CFAP299: variants seen among roughly 807,000 people sequenced by gnomAD.
CFAP299 encodes cilia and flagella associated protein 299.
CFAP299 carries 21 observed loss-of-function variants against 27.0 expected under a neutral mutation model. That is an observed-to-expected ratio of 0.78 (90% CI 0.55 to 1.12). The LOEUF is 1.12. CFAP299 is among the 50% of genes most tolerant of loss of function. CFAP299 has a pLI of 0.00. For synonymous variants in CFAP299, 104 were observed against 98.1 expected (o/e 1.06, Z -0.36); for missense variants, 310 against 276.6 (o/e 1.12, Z -0.86).
At chr4:80,891,959 A>G (rs1734328885) in intron 4 of CFAP299, among the ~76,000 whole-genome samples, 3 of 151,948 alleles carry the variant, frequency 2.0e-5, no homozygotes, top group Non-Finnish European at 4.4e-5. Context: ...AATCAATGCA[A>G]TCCTTTTCAA....
Position 80,710,275 on chromosome 4 carries a change from A to G in CFAP299, c.333+127092A>G, listed in dbSNP as rs151236418. 4.3e-3 allele frequency among the ~76,000 whole-genome samples: 650 copies of G among 152,246 alleles called. 5 individuals are homozygous for G. The highest frequency in any genetic ancestry group is 6.8e-3 in the Middle Eastern group (2 of 294). On this transcript the variant is annotated intron_variant, in intron 3 of 5. Coordinates refer to ENST00000358105, the MANE Select transcript of CFAP299 (RefSeq NM_152770.3). The stretch of plus-strand genomic sequence containing the variant: ...AATAGGATCAACTTGGTCCAAGGAA[A>G]GCAACATGCAGAAACCAGAAAAGGA...
In CFAP299 at chr4:80,797,691, A is replaced by C. The variant is rs1727948793; in HGVS notation, c.334-72302A>C. 2.0e-5 allele frequency among the ~76,000 whole-genome samples: 3 copies of C among 152,158 alleles called. No homozygotes were observed. The South Asian group carries it at 6.2e-4, about 31-fold the overall frequency. On this transcript the variant is annotated intron_variant, in intron 3 of 5. Transcript: ENST00000358105. ...GAGAAGAGCAATTACAGGGCTCTTC[A>C]AAGATGCAGGTTCTGCCCTCACAAA...
At chr4:80,390,602 T>C (rs1002704616) in intron 2 of CFAP299, among the ~76,000 whole-genome samples, 1 of 134,690 alleles carries the variant, frequency 7.4e-6, no homozygotes, top group African/African-American at 3.0e-5. Flanking sequence ...TGTATATATG[T>C]ATACACACAT....
intron 2 of CFAP299, among the ~76,000 whole-genome samples, chr4:80,460,259 G>A (rs759234456): frequency 6.6e-6 from 1 of 152,102 alleles, no homozygotes; most frequent in East Asian, 1.9e-4. Flanking sequence ...GGGGTAGGAG[G>A]GGTAGGGGGA....
chr4:80,353,193 A>G (rs533569955), intron 1 of CFAP299, among the ~76,000 whole-genome samples: 1 of 152,326 alleles, frequency 6.6e-6, no homozygotes, highest in South Asian at 2.1e-4. Context: ...CATCTCTTCC[A>G]AAGTCATACT....
chr4:80,535,458 G>GCACTC (rs1217947932), intron 2 of CFAP299, among the ~76,000 whole-genome samples: 1 of 58,562 alleles, frequency 1.7e-5, no homozygotes, highest in African/African-American at 1.7e-4. Flanking sequence ...TCCCGCCACT[G>GCACTC]CACTCCAGCC....
intron 2 of CFAP299, among the ~76,000 whole-genome samples, chr4:80,414,992 G>A (rs1038450836): frequency 4.6e-5 from 7 of 152,086 alleles, no homozygotes; most frequent in African/African-American, 9.7e-5. Context: ...ACATAGAGGC[G>A]CTGAAGCAAT....
chr4:80,872,670 A>G (rs1733162782), intron 4 of CFAP299: 1 of 153,444 alleles, frequency 6.5e-6, no homozygotes, highest in South Asian at 2.1e-4. Flanking sequence ...CACTGTAGTG[A>G]GTTATAAATG....
chr4:80,535,111 C>A (rs1318948666), intron 2 of CFAP299, among the ~76,000 whole-genome samples: 4 of 151,950 alleles, frequency 2.6e-5, no homozygotes, highest in African/African-American at 7.3e-5. Flanking sequence ...GAAGAATCAT[C>A]TTCAATCTGG....
chr4:80,760,652 G>A (rs1405289038), intron 3 of CFAP299, among the ~76,000 whole-genome samples: 2 of 152,162 alleles, frequency 1.3e-5, no homozygotes, highest in African/African-American at 2.4e-5. Flanking sequence ...CTTGCAGGCT[G>A]TTTGCTAGTT....
intron 5 of CFAP299, among the ~76,000 whole-genome samples, chr4:80,955,111 T>A (rs1738003232): frequency 6.9e-6 from 1 of 144,970 alleles, no homozygotes; most frequent in Admixed American, 6.9e-5. Context: ...CCTTAATAAA[T>A]CCCACTTGAG....
intron 3 of CFAP299, among the ~76,000 whole-genome samples, chr4:80,660,445 G>A (rs1740785752): frequency 6.6e-6 from 1 of 152,126 alleles, no homozygotes; most frequent in Admixed American, 6.6e-5. Flanking sequence ...ATGACATTAA[G>A]GAAAGTATTT....
intron 2 of CFAP299, among the ~76,000 whole-genome samples, chr4:80,441,858 G>A (rs1449859008): frequency 6.6e-6 from 1 of 152,108 alleles, no homozygotes; most frequent in Non-Finnish European, 1.5e-5. Flanking sequence ...AGGGATGGAG[G>A]AATATTTACC....
intron 3 of CFAP299, among the ~76,000 whole-genome samples, chr4:80,657,344 G>T (rs911041190): frequency 2.6e-5 from 4 of 151,948 alleles, no homozygotes; most frequent in Non-Finnish European, 4.4e-5. Context: ...TTTCTTCTAG[G>T]GTTTTTATGG....
intron 3 of CFAP299, among the ~76,000 whole-genome samples, chr4:80,818,334 G>A (rs1289118096): frequency 6.6e-6 from 1 of 151,984 alleles, no homozygotes; most frequent in Non-Finnish European, 1.5e-5. Context: ...ATTTTGTTTT[G>A]TTTGGTTCCA....
chr4:80,748,327 A>G (rs1242391131), intron 3 of CFAP299, among the ~76,000 whole-genome samples: 2 of 152,130 alleles, frequency 1.3e-5, no homozygotes, highest in African/African-American at 4.8e-5. Context: ...TTGAGAATGG[A>G]AATATTAACT....
At chr4:80,862,964 A>T (rs1284965807) in intron 3 of CFAP299, among the ~76,000 whole-genome samples, 1 of 152,166 alleles carries the variant, frequency 6.6e-6, no homozygotes, top group African/African-American at 2.4e-5. Flanking sequence ...CTTAGGCTAC[A>T]TTTGCAAAAT....
chr4:80,625,224 A>G (rs1167848096), intron 3 of CFAP299, among the ~76,000 whole-genome samples: 1 of 152,056 alleles, frequency 6.6e-6, no homozygotes, highest in South Asian at 2.1e-4. Flanking sequence ...TTGTGGCATA[A>G]AAAATTCAAA....
At chr4:80,446,310 C>G (rs1287668680) in intron 2 of CFAP299, among the ~76,000 whole-genome samples, 1 of 152,160 alleles carries the variant, frequency 6.6e-6, no homozygotes, top group Non-Finnish European at 1.5e-5. Flanking sequence ...TTGGATATAG[C>G]CATTCAATGC....
Sources: allele counts gnomAD v4.1 joint callset (sites outside exome capture counted in the v4.1 genomes callset), GRCh38; gene constraint gnomAD v4.1.1; transcripts MANE v1.5; gene names NCBI Gene and HGNC (gene_info 2026-07-23, HGNC 2026-07-21).